Variants in NET1 observed in about 807,000 individuals in gnomAD.
NET1 encodes neuroepithelial cell transforming 1, also known as neuroepithelial cell-transforming gene 1 protein.
NET1 carries 42 observed loss-of-function variants against 61.1 expected under a neutral mutation model. The ratio of observed to expected loss-of-function variants is 0.69; its 90% CI spans 0.54 to 0.89. NET1 has a LOEUF of 0.89. Among genes scored for constraint, NET1 ranks in the 40% least tolerant of loss-of-function variants. NET1 has a pLI of 0.00. For synonymous variants in NET1, 254 were observed against 281.8 expected (o/e 0.90, Z 0.99); for missense variants, 654 against 747.3 (o/e 0.88, Z 1.46).
chr10:5,445,803 G>A (rs1384173129), intron 3 of NET1, among the ~76,000 whole-genome samples: 1 of 152,130 alleles, frequency 6.6e-6, no homozygotes, highest in Non-Finnish European at 1.5e-5. Context: ...GACTTTTTAA[G>A]CAGTCTTTTG....
chr10:5,433,491 C>T (rs545605508), intron 3 of NET1, among the ~76,000 whole-genome samples: 2 of 152,318 alleles, frequency 1.3e-5, no homozygotes, highest in South Asian at 4.1e-4. Flanking sequence ...TGAGTAGATT[C>T]TCAGGCAGTG....
intron 1 of NET1, among the ~76,000 whole-genome samples, chr10:5,418,782 C>G (rs755311650): frequency 2.6e-5 from 4 of 152,034 alleles, no homozygotes; most frequent in Non-Finnish European, 4.4e-5. Flanking sequence ...GATTTGAGAT[C>G]TTTTTCTTAA....
Position 5,449,027 on chromosome 10 carries a change from G to A in NET1, c.256-2803G>A, listed in dbSNP as rs188614652. Among the ~76,000 whole-genome samples, 57 of 152,282 alleles carry A rather than the reference G, an allele frequency of 3.7e-4. No homozygotes were observed. The East Asian group carries it at 6.9e-3, about 19-fold the overall frequency. On this transcript the variant is annotated intron_variant, in intron 3 of 11. Coordinates refer to ENST00000355029, the MANE Select transcript of NET1 (RefSeq NM_001047160.3). The surrounding 1 kb of genome is among the most constrained non-coding windows in gnomAD (Gnocchi z 4.4). ...CGGCTCACATGGGCCAATTTCTGAC[G>A]TGTATTCCGAAAGACACAAATTTTT...
At position 5,452,596 on chromosome 10, in the gene NET1, G is replaced by A. The variant is rs971653228; in HGVS notation, c.531+71G>A. 4 of 1,477,368 alleles carry A rather than the reference G, an allele frequency of 2.7e-6. No homozygotes were observed. The highest frequency in any genetic ancestry group is 2.1e-5 in the Admixed American group (1 of 48,076). 91.5% of individuals were successfully genotyped at this position (1,477,368 alleles called of 1,614,324 possible). A position where few individuals can be genotyped will look rare whatever the true frequency, so the allele number is the denominator to read the frequency against. ...TTGATGCCGATGGCAAAATTAACTT[G>A]GATTTTTGTGTTTGAGCAACAATTC... On this transcript the variant is annotated intron_variant, in intron 5 of 11. Transcript: ENST00000355029. The surrounding 1 kb of genome is among the most constrained non-coding windows in gnomAD (Gnocchi z 4.0).
Position 5,455,560 on chromosome 10 carries a change from A to G in NET1, c.1197+442A>G, listed in dbSNP as rs906944993. Among the ~76,000 whole-genome samples, 1 of 152,264 alleles carries G rather than the reference A, an allele frequency of 6.6e-6. No individual in the cohort carries two copies. Among genetic ancestry groups the G allele is most frequent in the Admixed American group, 6.5e-5 (1 of 15,286 alleles). On this transcript the variant is annotated intron_variant, in intron 10 of 11. Transcript: ENST00000355029. The surrounding 1 kb of genome is among the most constrained non-coding windows in gnomAD (Gnocchi z 6.5). Reference sequence around the variant, plus strand: ...GTACCTGCTAGAACTAAGTGCAGTCACGGAATGGTATTTTTGTTTCATCAT... The same window carrying G: ...GTACCTGCTAGAACTAAGTGCAGTCGCGGAATGGTATTTTTGTTTCATCAT...
rs1215578264 is a variant in NET1, at chr10:5,449,559, A to G, written c.256-2271A>G. Among the ~76,000 whole-genome samples, 1 of 152,236 alleles carries G rather than the reference A, an allele frequency of 6.6e-6. No homozygotes were observed. Among genetic ancestry groups the G allele is most frequent in the Non-Finnish European group, 1.5e-5 (1 of 68,036 alleles). On this transcript the variant is annotated intron_variant, in intron 3 of 11. Coordinates refer to ENST00000355029, the MANE Select transcript of NET1 (RefSeq NM_001047160.3). This position sits in a 1 kb window ranked among gnomAD's most constrained non-coding sequence, Gnocchi z 4.4. ...GCTGCCACCCTAAAGAGACCACATC[A>G]ACAAAACCCGTGTTCGTTTCAGAAG...
Position 5,417,361 on chromosome 10 carries a change from A to C in NET1, c.128+4541A>C, listed in dbSNP as rs147146683. On this transcript the variant is annotated intron_variant, in intron 1 of 11. Transcript: ENST00000355029. This position sits in a 1 kb window ranked among gnomAD's most constrained non-coding sequence, Gnocchi z 5.5. Reference sequence around the variant, plus strand: ...TTTGGGTAGGAAAACAGAAATGCCTATCCTCACTTAGGTCCGTGGGCCCAG... The same window carrying C: ...TTTGGGTAGGAAAACAGAAATGCCTCTCCTCACTTAGGTCCGTGGGCCCAG... Among the ~76,000 whole-genome samples the C allele has an allele frequency of 6.6e-6, 1 of 152,084 alleles. No homozygotes were observed. Among genetic ancestry groups the C allele is most frequent in the East Asian group, 1.9e-4 (1 of 5,156 alleles).
rs751556761 is a variant in NET1 at position 5,422,269 on chromosome 10, G to A, written c.129-4386G>A. Among the ~76,000 whole-genome samples, 9 of 151,798 alleles carry A rather than the reference G, an allele frequency of 5.9e-5. No homozygotes were observed. The highest frequency in any genetic ancestry group is 6.6e-5 in the Admixed American group (1 of 15,252). On this transcript the variant is annotated intron_variant, in intron 1 of 11. Transcript: ENST00000355029. The surrounding 1 kb of genome is among the most constrained non-coding windows in gnomAD (Gnocchi z 4.1). The stretch of plus-strand genomic sequence containing the variant: ...GGAGAATCGCTTGAACCCTGGAGGC[G>A]GAGGTTGTAGTGAGCCGAGATCGTA...
At chr10:5,419,468 TTCTC>T (rs1287559778) in intron 1 of NET1, among the ~76,000 whole-genome samples, 9 of 152,226 alleles carry the variant, frequency 5.9e-5, no homozygotes, top group Non-Finnish European at 7.3e-5. Context: ...TGTCTTTTGT[TTCTC>T]TATTCCTCCT....
At chr10:5,432,821 T>C (rs1832370736) in intron 3 of NET1, among the ~76,000 whole-genome samples, 1 of 152,118 alleles carries the variant, frequency 6.6e-6, no homozygotes, top group Admixed American at 6.5e-5. Flanking sequence ...TAGCCTACTG[T>C]CTTTCTTAAT....
Position 5,417,059 on chromosome 10 carries a change from G to A in NET1, c.128+4239G>A, listed in dbSNP as rs555761547. ...GAAGTAGCTCTCAGCAGATGGGGGAGCCAGAAGGGAAATGGTTTTGCCCTG... is the reference window on the plus strand; with the variant it reads ...GAAGTAGCTCTCAGCAGATGGGGGAACCAGAAGGGAAATGGTTTTGCCCTG... On this transcript the variant is annotated intron_variant, in intron 1 of 11. Coordinates refer to ENST00000355029, the MANE Select transcript of NET1 (RefSeq NM_001047160.3). This position sits in a 1 kb window ranked among gnomAD's most constrained non-coding sequence, Gnocchi z 5.5. Among the ~76,000 whole-genome samples the A allele has an allele frequency of 6.6e-6, 1 of 152,312 alleles. No homozygotes were observed. The highest frequency in any genetic ancestry group is 1.9e-4 in the East Asian group (1 of 5,178).
chr10:5,412,858 G>T lies in NET1; in HGVS notation c.128+38G>T. The T allele has an allele frequency of 7.6e-7, 1 of 1,313,738 alleles. No individual in the cohort carries two copies. Among genetic ancestry groups the T allele is most frequent in the Non-Finnish European group, 9.8e-7 (1 of 1,023,986 alleles). The allele number at this position is 1,313,738 out of a possible 1,614,324, so 81.4% of individuals were successfully genotyped here. ...GAGGGGAGGGCCGAACGGGAGGTGA[G>T]TGTAGGGGAGCGGAGGGCCGAACGG... On this transcript the variant is annotated intron_variant, in intron 1 of 11. Transcript: ENST00000355029. The surrounding 1 kb of genome is among the most constrained non-coding windows in gnomAD (Gnocchi z 6.5).
rs976047689 is a variant in NET1, at chr10:5,443,193, T to C, written c.256-8637T>C. On this transcript the variant is annotated intron_variant, in intron 3 of 11. Coordinates refer to ENST00000355029, the MANE Select transcript of NET1 (RefSeq NM_001047160.3). This position sits in a 1 kb window ranked among gnomAD's most constrained non-coding sequence, Gnocchi z 4.8. ...ATGGGTTATCTTCATCTGGACAGTG[T>C]CACAACAGCTGAGCAGAACAGAGTC... Among the ~76,000 whole-genome samples the C allele has an allele frequency of 2.6e-5, 4 of 152,174 alleles. No homozygotes were observed. The highest frequency in any genetic ancestry group is 9.7e-5 in the African/African-American group (4 of 41,420).
Position 5,453,286 on chromosome 10 carries a change from T to G in NET1, c.631T>G (p.Ser211Ala), listed in dbSNP as rs768947309. ...HDPMLKLSIM[S>A]EEELTHIFGD... ...CCCCATGTTAAAGTTGTCCATCATG[T>G]CAGAAGAGGAACTCACACATATATT... The change falls in exon 7 of 12, where the codon TCA becomes GCA. Residue 211 changes from serine to alanine, a missense_variant. Transcript: ENST00000355029. The surrounding 1 kb of genome is among the most constrained non-coding windows in gnomAD (Gnocchi z 4.9). 12 of 1,612,736 alleles carry G rather than the reference T, an allele frequency of 7.4e-6. 1 individual carries two copies. The South Asian group carries it at 1.3e-4, about 18-fold the overall frequency.
Position 5,420,721 on chromosome 10 carries a change from G to C in NET1, c.129-5934G>C, listed in dbSNP as rs563479305. ...AGTGATCCTCCTTCCTCAGCCTCCC[G>C]AGTAACTGGGATTACAGGCAAGCGC... On this transcript the variant is annotated intron_variant, in intron 1 of 11. Coordinates refer to ENST00000355029, the MANE Select transcript of NET1 (RefSeq NM_001047160.3). This position sits in a 1 kb window ranked among gnomAD's most constrained non-coding sequence, Gnocchi z 5.3. 1.3e-5 allele frequency among the ~76,000 whole-genome samples: 2 copies of C among 151,998 alleles called. No homozygotes were observed. Among genetic ancestry groups the C allele is most frequent in the South Asian group, 4.2e-4 (2 of 4,818 alleles).
Position 5,421,392 on chromosome 10 carries a change from G to T in NET1, c.129-5263G>T, listed in dbSNP as rs944204235. Among the ~76,000 whole-genome samples the T allele has an allele frequency of 1.3e-5, 2 of 152,094 alleles. No homozygotes were observed. The highest frequency in any genetic ancestry group is 2.9e-5 in the Non-Finnish European group (2 of 68,006). ...AGATTTGAAATAATGCTGTCCATTG[G>T]TAGAAAAATAATAGTATGACCTATG... On this transcript the variant is annotated intron_variant, in intron 1 of 11. Coordinates refer to ENST00000355029, the MANE Select transcript of NET1 (RefSeq NM_001047160.3). This position sits in a 1 kb window ranked among gnomAD's most constrained non-coding sequence, Gnocchi z 4.2.
chr10:5,428,674 A>G (rs1452788954), intron 2 of NET1, among the ~76,000 whole-genome samples: 2 of 151,962 alleles, frequency 1.3e-5, no homozygotes, highest in South Asian at 2.1e-4. Context: ...TTCAGATAGT[A>G]TCTATTCCAA....
Position 5,412,749 on chromosome 10 carries a change from G to T in NET1, c.57G>T (p.Arg19=). The T allele has an allele frequency of 6.7e-7, 1 of 1,481,824 alleles. No homozygotes were observed. The highest frequency in any genetic ancestry group is 2.9e-5 in the East Asian group (1 of 34,570). 91.8% of individuals were successfully genotyped at this position (1,481,824 alleles called of 1,614,324 possible). A position where few individuals can be genotyped will look rare whatever the true frequency, so the allele number is the denominator to read the frequency against. The change falls in exon 1 of 12, where the codon CGG becomes CGT. Residue 19 remains arginine, a synonymous_variant. Transcript: ENST00000355029. The surrounding 1 kb of genome is among the most constrained non-coding windows in gnomAD (Gnocchi z 6.5). The part of the protein sequence containing the change: ...KQPRPRRRSR[R]ASGLSTEGAT... ...CTCGACCGCGGAGGCGAAGCCGCCG[G>T]GCCTCTGGGCTCAGCACGGAGGGAG...
intron 1 of NET1, among the ~76,000 whole-genome samples, chr10:5,419,161 G>C (rs1041717121): frequency 6.6e-6 from 1 of 151,988 alleles, no homozygotes; most frequent in Non-Finnish European, 1.5e-5. Context: ...TCTTTGAAAG[G>C]CCATTTTGTT....
Sources: gnomAD v4.1 joint callset for allele counts (sites outside exome capture counted in the v4.1 genomes callset) on GRCh38, gnomAD v4.1.1 for gene constraint, Gnocchi (gnomAD v3.1) non-coding constraint, MANE v1.5 for transcripts, NCBI Gene and HGNC (gene_info 2026-07-23, HGNC 2026-07-21) for gene names.